The following DNAH17 variants were observed in gnomAD, a reference collection of about 807,000 sequenced individuals.
DNAH17 encodes dynein axonemal heavy chain 17.
A neutral mutation model predicts 485.6 loss-of-function variants in DNAH17; 376 were observed. That is an observed-to-expected ratio of 0.77 (90% CI 0.71 to 0.84). The LOEUF (loss-of-function observed/expected upper bound fraction) is 0.84, where lower values mean the gene tolerates loss of function less well. Among genes scored for constraint, DNAH17 ranks in the 40% least tolerant of loss-of-function variants. DNAH17 has a pLI of 0.00. For missense variants in DNAH17, 6,370 were observed against 5,839.3 expected (o/e 1.09, Z -2.96); for synonymous variants, 3,031 against 2,405.9 (o/e 1.26, Z -7.60).
At chr17:78,444,380 C>T (rs760017544) in intron 71 of DNAH17, among the ~76,000 whole-genome samples, 5 of 152,214 alleles carry the variant, frequency 3.3e-5, no homozygotes, top group Admixed American at 6.5e-5. Flanking sequence ...GAACTCAGGA[C>T]TGGAGTCCGC....
intron 75 of DNAH17, among the ~76,000 whole-genome samples, chr17:78,432,526 G>A (rs963650830): frequency 3.9e-5 from 6 of 152,324 alleles, no homozygotes; most frequent in Admixed American, 1.3e-4. Flanking sequence ...AGGGAACTAA[G>A]CATACCAAGT....
At position 78,575,090 on chromosome 17, in the gene DNAH17, G is replaced by T; in HGVS notation, c.-25-8C>A. ...TTTCCTTACACTGTGTATCTGTTAAGAGTGCAAGAAACAGGTACGAACTGT... is the reference window on the plus strand; with the variant it reads ...TTTCCTTACACTGTGTATCTGTTAATAGTGCAAGAAACAGGTACGAACTGT... On this transcript the variant is annotated splice_region_variant and splice_polypyrimidine_tract_variant and intron_variant, in intron 1 of 80. Coordinates refer to ENST00000389840, the MANE Select transcript of DNAH17 (RefSeq NM_173628.4). 1 of 1,560,784 alleles carries T rather than the reference G, an allele frequency of 6.4e-7. No individual in the cohort carries two copies. The highest frequency in any genetic ancestry group is 8.7e-7 in the Non-Finnish European group (1 of 1,145,380).
intron 1 of DNAH17, among the ~76,000 whole-genome samples, chr17:78,576,663 T>C (rs2092436973): frequency 6.6e-6 from 1 of 152,170 alleles, no homozygotes; most frequent in South Asian, 2.1e-4. Flanking sequence ...GGTTCCTGAT[T>C]GGAAGTCTCG....
Position 78,454,552 on chromosome 17 carries a change from C to CG in DNAH17, c.10323dup (p.Val3442ArgfsTer18). The stretch of plus-strand genomic sequence containing the variant: ...TTGATTCCTTGGAGCTGGGCGTCCA[C>CG]GATCAGCGGCCACCGCTCGGTGTTG... On this transcript the variant is annotated frameshift_variant, in exon 64 of 81. Coordinates refer to ENST00000389840, the MANE Select transcript of DNAH17 (RefSeq NM_173628.4). LOFTEE classifies it high-confidence loss of function. 6.2e-7 allele frequency: 1 copy of CG among 1,613,176 alleles called. No homozygotes were observed.
rs747484055 is a variant in DNAH17, at chr17:78,514,949, C to A, written c.3938G>T (p.Cys1313Phe). 2 of 1,614,076 alleles carry A rather than the reference C, an allele frequency of 1.2e-6. No individual in the cohort carries two copies. The highest frequency in any genetic ancestry group is 2.2e-5 in the South Asian group (2 of 91,088). Residue 1313 changes from cysteine (C) to phenylalanine (F), a missense_variant, in exon 26 of 81, where the codon TGT becomes TTT. Physicochemically the swap from Cys to Phe is radical, Grantham distance 205 (BLOSUM62 -2). Coordinates refer to ENST00000389840, the MANE Select transcript of DNAH17 (RefSeq NM_173628.4). ...CCTCATGTCCTTGGCAAACTTCTTACAATCTATGTCCATCTGCTCAACGTT... is the reference window on the plus strand; with the variant it reads ...CCTCATGTCCTTGGCAAACTTCTTAAAATCTATGTCCATCTGCTCAACGTT... ...DINVEQMDID[C>F]KKFAKDMRSL... is the part of the protein sequence containing the mutation.
chr17:78,449,373 G>A, intron 69 of DNAH17, 41 bp downstream of exon 69: 1 of 1,520,036 alleles, frequency 6.6e-7, no homozygotes, highest in East Asian at 2.5e-5. Flanking sequence ...TGACACCGCT[G>A]GTCCACGGAC....
intron 46 of DNAH17, 38 bp downstream of exon 46, chr17:78,485,922 A>G (rs763174787): frequency 4.4e-6 from 7 of 1,603,052 alleles, no homozygotes; most frequent in Non-Finnish European, 4.3e-6. Flanking sequence ...TCCTGCCTCT[A>G]AATCACCAGT....
chr17:78,536,375 A>G lies in DNAH17; in HGVS notation c.2859+924T>C, dbSNP rs576470584. Among the ~76,000 whole-genome samples the G allele has an allele frequency of 5.1e-3, 776 of 152,220 alleles. 6 individuals carry two copies. The highest frequency in any genetic ancestry group is 6.3e-3 in the Non-Finnish European group (429 of 68,006). On this transcript the variant is annotated intron_variant, in intron 19 of 80. Transcript: ENST00000389840. ...TGAGGCAGGAGAATCGCTTGAACCC[A>G]GGAGGCGGAGGTTGCAGTCAGCTGA... is the stretch of plus-strand genomic sequence containing the variant.
Position 78,502,712 on chromosome 17 carries a change from C to G in DNAH17, c.5083-14G>C. 1 of 1,607,164 alleles carries G rather than the reference C, an allele frequency of 6.2e-7. No individual in the cohort carries two copies. Among genetic ancestry groups the G allele is most frequent in the Non-Finnish European group, 8.5e-7 (1 of 1,178,444 alleles). On this transcript the variant is annotated splice_polypyrimidine_tract_variant and intron_variant, in intron 32 of 80. Transcript: ENST00000389840. ...AGTCAGGGCCACCTGAAAGTACATA[C>G]CCCCCATTGCCCACGCAGTGAGCGA...
chr17:78,455,618 C>T (rs762295329), intron 63 of DNAH17, 26 bp downstream of exon 63: 20 of 1,502,752 alleles, frequency 1.3e-5, no homozygotes, highest in East Asian at 5.2e-5. Flanking sequence ...TGAGCCACCG[C>T]GCCTGGCCAG....
At chr17:78,469,353 G>A (rs1460998927) in intron 54 of DNAH17, among the ~76,000 whole-genome samples, 2 of 152,212 alleles carry the variant, frequency 1.3e-5, no homozygotes, top group African/African-American at 4.8e-5. Flanking sequence ...ATGTTAGCCA[G>A]GAGGGCCTCG....
intron 11 of DNAH17, among the ~76,000 whole-genome samples, chr17:78,563,742 A>C (rs570053849): frequency 2.1e-4 from 32 of 151,450 alleles, no homozygotes; most frequent in African/African-American, 7.3e-4. Context: ...AATGAGAACT[A>C]ACTCCGGAAC....
At chr17:78,432,213 A>T (rs1016685330) in intron 75 of DNAH17, among the ~76,000 whole-genome samples, 1 of 151,562 alleles carries the variant, frequency 6.6e-6, no homozygotes, top group African/African-American at 2.4e-5. Context: ...TAAAATAAAT[A>T]AAAATTAAAA....
Position 78,450,651 on chromosome 17 carries a change from T to C in DNAH17, c.10899+31A>G, listed in dbSNP as rs750556914. 6.3e-6 allele frequency: 10 copies of C among 1,598,350 alleles called. 1 individual carries two copies. The highest frequency in any genetic ancestry group is 1.7e-5 in the Admixed American group (1 of 58,116). ...GTGGCCCAGCCTCCCAAGCCCTGGC[T>C]GCCAGGGCACGTCACCGAGGCAGCT... On this transcript the variant is annotated intron_variant, in intron 67 of 80. Coordinates refer to ENST00000389840, the MANE Select transcript of DNAH17 (RefSeq NM_173628.4).
At position 78,424,042 on chromosome 17, in the gene DNAH17, G is replaced by A. The variant is rs768324369; in HGVS notation, c.13253C>T (p.Thr4418Ile). Residue 4418 changes from threonine to isoleucine, a missense_variant, in exon 81 of 81, where the codon ACC becomes ATC. Transcript: ENST00000389840. ...CACGGGACACTCATAGATGTTCTTG[G>A]TCTCCATGCGGTCCACAGGAATGGC... The part of the protein sequence containing the change: ...IKAIPVDRME[T>I]KNIYECPVYK... The A allele has an allele frequency of 6.2e-7, 1 of 1,614,066 alleles. No homozygotes were observed. Among genetic ancestry groups the A allele is most frequent in the South Asian group, 1.1e-5 (1 of 91,084 alleles).
At chr17:78,537,156 C>T (rs911751247) in intron 19 of DNAH17, 143 bp downstream of exon 19, 90 of 977,016 alleles carry the variant, frequency 9.2e-5, no homozygotes, top group Non-Finnish European at 1.1e-4. Context: ...CCAGCCTGGG[C>T]GACAGAGTGA....
chr17:78,458,883 A>G, intron 61 of DNAH17, 118 bp downstream of exon 61: 9 of 1,212,752 alleles, frequency 7.4e-6, no homozygotes, highest in South Asian at 1.3e-5. Context: ...ATCCTCTTGC[A>G]CTGCTGAATA....
intron 57 of DNAH17, among the ~76,000 whole-genome samples, chr17:78,462,585 G>A (rs1001399504): frequency 3.9e-5 from 6 of 152,194 alleles, no homozygotes; most frequent in South Asian, 2.1e-4. Context: ...CCCGACATGG[G>A]GCAGGTGCCA....
At chr17:78,519,163 G>C (rs1337174686) in intron 25 of DNAH17, among the ~76,000 whole-genome samples, 1 of 70,608 alleles carries the variant, frequency 1.4e-5, no homozygotes, top group Non-Finnish European at 2.3e-5. Flanking sequence ...GCGAGACTCC[G>C]TCTCAAAAAA....
Sources: allele counts gnomAD v4.1 joint callset (sites outside exome capture counted in the v4.1 genomes callset), GRCh38; gene constraint gnomAD v4.1.1; transcripts MANE v1.5; gene names NCBI Gene and HGNC (gene_info 2026-07-23, HGNC 2026-07-21).